The following ARHGEF3 variants were observed in gnomAD, a reference collection of about 807,000 sequenced individuals.
ARHGEF3 encodes 59.8 kDA protein.
ARHGEF3 carries 28 observed loss-of-function variants against 63.2 expected under a neutral mutation model. That is an observed-to-expected ratio of 0.44 (90% CI 0.33 to 0.61). The LOEUF is 0.61. Ranked by LOEUF, ARHGEF3 falls within the 20% of genes least tolerant of loss-of-function variation. The probability of loss-of-function intolerance (pLI) is 0.03; values close to 1 mark genes in which losing one functional copy is unlikely to be tolerated. For missense variants in ARHGEF3, 533 were observed against 659.3 expected (o/e 0.81, Z 2.10); for synonymous variants, 266 against 254.2 (o/e 1.05, Z -0.44).
intron 3 of ARHGEF3, among the ~76,000 whole-genome samples, chr3:56,935,639 C>T (rs550852112): frequency 1.3e-5 from 2 of 152,072 alleles, no homozygotes; most frequent in East Asian, 3.9e-4. Context: ...ACACTCACCA[C>T]GAAGGTCTGC....
chr3:56,875,545 A>G (rs2040559107), intron 4 of ARHGEF3, among the ~76,000 whole-genome samples: 1 of 152,214 alleles, frequency 6.6e-6, no homozygotes, highest in African/African-American at 2.4e-5. Flanking sequence ...TATAACAAAA[A>G]TCAGGAACAG....
At position 56,801,803 on chromosome 3, in the gene ARHGEF3, G is replaced by C. The variant is rs758357936; in HGVS notation, c.-5C>G. 3.9e-6 allele frequency: 6 copies of C among 1,557,794 alleles called. No homozygotes were observed. Among genetic ancestry groups the C allele is most frequent in the Non-Finnish European group, 5.2e-6 (6 of 1,149,914 alleles). ...GGGGTAATCCTTGGCCACCATGGCG[G>C]CTGCCGGGCCTGCCCTTTGGGATGT... On this transcript the variant is annotated 5_prime_UTR_variant, in exon 1 of 10. Coordinates refer to ENST00000296315, the MANE Select transcript of ARHGEF3 (RefSeq NM_019555.3).
At position 57,054,293 on chromosome 3, in the gene ARHGEF3, T is replaced by C. The variant is rs371672129; in HGVS notation, c.-27-19117A>G. Among the ~76,000 whole-genome samples the C allele has an allele frequency of 5.9e-5, 9 of 152,220 alleles. 1 individual carries two copies. The South Asian group carries it at 1.7e-3, about 28-fold the overall frequency. The stretch of plus-strand genomic sequence containing the variant: ...AAATGTTTTTGTGGTCATTTGGATA[T>C]TCATTTTGATGATATGCTTGCTCAA... On this transcript the variant is annotated intron_variant, in intron 1 of 12. Coordinates refer to the ARHGEF3 transcript ENST00000338458.
intron 3 of ARHGEF3, chr3:56,916,313 G>C: frequency 1.3e-6 from 2 of 1,535,284 alleles, no homozygotes; most frequent in Non-Finnish European, 1.7e-6. Flanking sequence ...GCTTACCTGC[G>C]AACGGACAAA....
intron 2 of ARHGEF3, among the ~76,000 whole-genome samples, chr3:56,989,812 T>A (rs1701680822): frequency 6.6e-6 from 1 of 152,242 alleles, no homozygotes; most frequent in Non-Finnish European, 1.5e-5. Context: ...GGAGCCAACC[T>A]GGCTGAGCTT....
chr3:56,981,255 T>G (rs949627704), intron 2 of ARHGEF3, among the ~76,000 whole-genome samples: 1 of 152,206 alleles, frequency 6.6e-6, no homozygotes, highest in Non-Finnish European at 1.5e-5. Flanking sequence ...GTAGTCATGT[T>G]TCAACTATGG....
chr3:56,732,810 AAGTT>A (rs1298125357), intron 8 of ARHGEF3, among the ~76,000 whole-genome samples: 16 of 152,194 alleles, frequency 1.1e-4, no homozygotes, highest in Non-Finnish European at 2.2e-4. Context: ...AGGGAAAAAA[AAGTT>A]AGCACTCTCT....
At chr3:56,744,062 A>T (rs2034221578) in intron 7 of ARHGEF3, among the ~76,000 whole-genome samples, 1 of 152,222 alleles carries the variant, frequency 6.6e-6, no homozygotes, top group Non-Finnish European at 1.5e-5. Context: ...TTGATATTTA[A>T]AAACCTCTAT....
chr3:56,914,043 G>A (rs886137465), intron 3 of ARHGEF3, among the ~76,000 whole-genome samples: 19 of 152,258 alleles, frequency 1.2e-4, no homozygotes, highest in African/African-American at 4.3e-4. Flanking sequence ...ACCAAACAAC[G>A]TATGATCTCA....
Position 56,753,562 on chromosome 3 carries a change from A to G in ARHGEF3, c.380T>C (p.Ile127Thr). ...TTCTTCTCCTTGGGAAAGCTCAAAGATCGCCTGCAAGGAAAGATAAACATA... is the reference window on the plus strand; with the variant it reads ...TTCTTCTCCTTGGGAAAGCTCAAAGGTCGCCTGCAAGGAAAGATAAACATA... ...TSKEIKRQEA[I>T]FELSQGEEDL... is the part of the protein sequence containing the mutation. The change falls in exon 4 of 10, where the codon ATC becomes ACC. Residue 127 changes from isoleucine to threonine, a missense_variant. By Grantham distance (89) the Ile-to-Thr change is moderately conservative. Coordinates refer to ENST00000296315, the MANE Select transcript of ARHGEF3 (RefSeq NM_019555.3). The G allele has an allele frequency of 1.9e-6, 3 of 1,613,546 alleles. No homozygotes were observed. The highest frequency in any genetic ancestry group is 2.5e-6 in the Non-Finnish European group (3 of 1,179,888).
At position 56,729,221 on chromosome 3, in the gene ARHGEF3, A is replaced by G; in HGVS notation, c.*49T>C. 6.6e-7 allele frequency: 1 copy of G among 1,504,066 alleles called. No homozygotes were observed. Among genetic ancestry groups the G allele is most frequent in the Non-Finnish European group, 9.0e-7 (1 of 1,106,294 alleles). 93.2% of individuals were successfully genotyped at this position (1,504,066 alleles called of 1,614,324 possible). ...ACCGTTCCATCTGTGGAATGCAAATACTGTACAGGTAAGATGCAGGCCTGC... is the reference window on the plus strand; with the variant it reads ...ACCGTTCCATCTGTGGAATGCAAATGCTGTACAGGTAAGATGCAGGCCTGC... On this transcript the variant is annotated 3_prime_UTR_variant, in exon 10 of 10. Transcript: ENST00000296315.
chr3:56,743,854 A>C (rs6445823), intron 7 of ARHGEF3, among the ~76,000 whole-genome samples: 25,691 of 151,950 alleles, frequency 0.17, 2,496 homozygotes, highest in South Asian at 0.38. Flanking sequence ...CCTGGACAGC[A>C]TCCTCCCAAC....
intron 2 of ARHGEF3, among the ~76,000 whole-genome samples, chr3:57,032,683 A>G (rs1703781709): frequency 6.6e-6 from 1 of 152,204 alleles, no homozygotes. Flanking sequence ...TGACATAGTA[A>G]ATTCTCAAAC....
intron 7 of ARHGEF3, among the ~76,000 whole-genome samples, chr3:56,738,953 G>A (rs1559889507): frequency 6.6e-6 from 1 of 152,020 alleles, no homozygotes; most frequent in Non-Finnish European, 1.5e-5. Context: ...AAATTAGCCA[G>A]GCGAGGTGGT....
intron 3 of ARHGEF3, chr3:56,916,619 A>G: frequency 1.4e-6 from 1 of 711,200 alleles, no homozygotes; most frequent in Non-Finnish European, 2.0e-6. Flanking sequence ...TTTCTGACTG[A>G]CAATCCCCAG....
chr3:57,063,569 C>A (rs1453169527), intron 1 of ARHGEF3, among the ~76,000 whole-genome samples: 1 of 152,140 alleles, frequency 6.6e-6, no homozygotes, highest in Non-Finnish European at 1.5e-5. Flanking sequence ...GATGACGCCC[C>A]AGGCTTTGGG....
In ARHGEF3 at chr3:56,922,957, G is replaced by A. The variant is rs565926813; in HGVS notation, c.129+35866C>T. ...TCCCAACACTTTGGGAAGCGTAGGC[G>A]GAAGGATCAGCTGAGGTCAGGAGTT... is the stretch of plus-strand genomic sequence containing the variant. On this transcript the variant is annotated intron_variant, in intron 3 of 12. Coordinates refer to the ARHGEF3 transcript ENST00000338458. Among the ~76,000 whole-genome samples, 14 of 143,330 alleles carry A rather than the reference G, an allele frequency of 9.8e-5. 1 individual carries two copies. The highest frequency in any genetic ancestry group is 3.6e-4 in the African/African-American group (14 of 39,004). The allele number at this position is 143,330 out of a possible 152,430, so 94.0% of individuals were successfully genotyped here. A position where few individuals can be genotyped will look rare whatever the true frequency, so the allele number is the denominator to read the frequency against.
At chr3:56,737,747 A>G (rs892834447) in intron 7 of ARHGEF3, among the ~76,000 whole-genome samples, 2 of 152,254 alleles carry the variant, frequency 1.3e-5, no homozygotes, top group African/African-American at 4.8e-5. Context: ...GCAGAATGTA[A>G]GAGTCCAAAA....
At chr3:57,032,466 C>T (rs1002764419) in intron 2 of ARHGEF3, among the ~76,000 whole-genome samples, 2 of 152,234 alleles carry the variant, frequency 1.3e-5, no homozygotes, top group Non-Finnish European at 2.9e-5. Context: ...CTGTTTGTTA[C>T]TCCAAGTGAG....
Sources: allele counts gnomAD v4.1 joint callset (sites outside exome capture counted in the v4.1 genomes callset), GRCh38; gene constraint gnomAD v4.1.1; transcripts MANE v1.5; gene names NCBI Gene and HGNC (gene_info 2026-07-23, HGNC 2026-07-21).